Variants in CTDSPL2 observed in about 807,000 individuals in gnomAD.
CTDSPL2 encodes the protein CTD small phosphatase like 2.
CTDSPL2 carries 5 observed loss-of-function variants against 60.0 expected under a neutral mutation model. The ratio of observed to expected loss-of-function variants is 0.08; its 90% confidence interval spans 0.04 to 0.18. The LOEUF (loss-of-function observed/expected upper bound fraction) is 0.18, where lower values mean the gene tolerates loss of function less well. CTDSPL2 is among the 10% of genes least tolerant of loss of function. The probability of loss-of-function intolerance (pLI) is 1.00; values close to 1 mark genes in which losing one functional copy is unlikely to be tolerated. For synonymous variants in CTDSPL2, 186 were observed against 189.3 expected (o/e 0.98, Z 0.14); for missense variants, 370 against 548.8 (o/e 0.67, Z 3.26).
At chr15:44,460,097 A>G (rs2080534307) in intron 2 of CTDSPL2, among the ~76,000 whole-genome samples, 1 of 151,948 alleles carries the variant, frequency 6.6e-6, no homozygotes, top group East Asian at 1.9e-4. Context: ...AAGCAGTTGG[A>G]TGAATTTTAT....
chr15:44,435,242 G>A (rs2079951175), intron 1 of CTDSPL2, among the ~76,000 whole-genome samples: 2 of 141,672 alleles, frequency 1.4e-5, no homozygotes, highest in African/African-American at 2.7e-5. Context: ...GGGCGACAGA[G>A]TGAGACTCCG....
At chr15:44,496,937 C>T in intron 6 of CTDSPL2, 90 bp from the exon 7 acceptor site, 2 of 666,026 alleles carry the variant, frequency 3.0e-6, no homozygotes, top group South Asian at 2.2e-5. Flanking sequence ...GGGTTAACTG[C>T]TTTATAGATT....
At chr15:44,433,724 G>T (rs12914945) in intron 1 of CTDSPL2, among the ~76,000 whole-genome samples, 1 of 151,860 alleles carries the variant, frequency 6.6e-6, no homozygotes, top group South Asian at 2.1e-4. Context: ...AGGCTGGAGT[G>T]CAGTGGCATG....
intron 1 of CTDSPL2, among the ~76,000 whole-genome samples, chr15:44,445,238 A>G (rs1367781043): frequency 6.6e-6 from 1 of 151,444 alleles, no homozygotes; most frequent in Admixed American, 6.6e-5. Flanking sequence ...CCCTGTCTGC[A>G]GTGCAGTGAC....
In CTDSPL2 at chr15:44,514,939, C is replaced by T. The variant is rs1319247474; in HGVS notation, c.1112+95C>T. On this transcript the variant is annotated intron_variant, in intron 10 of 12. Coordinates refer to ENST00000260327, the MANE Select transcript of CTDSPL2 (RefSeq NM_016396.3). ...TTTAATGGCCATTTTCAGTTGGCTGCATATGTGTTGAATGGTGAATATAAA... is the reference window on the plus strand; with the variant it reads ...TTTAATGGCCATTTTCAGTTGGCTGTATATGTGTTGAATGGTGAATATAAA... 4 of 741,570 alleles carry T rather than the reference C, an allele frequency of 5.4e-6. No homozygotes were observed. In the East Asian group the frequency reaches 7.5e-5, roughly 14 times the overall value. The allele number at this position is 741,570 out of a possible 1,614,324, so 45.9% of individuals were successfully genotyped here. A position where few individuals can be genotyped will look rare whatever the true frequency, so the allele number is the denominator to read the frequency against.
At chr15:44,512,449 C>T (rs970900918) in intron 8 of CTDSPL2, among the ~76,000 whole-genome samples, 5 of 152,124 alleles carry the variant, frequency 3.3e-5, no homozygotes, top group African/African-American at 1.2e-4. Flanking sequence ...TATCATCTAC[C>T]TTGAGATGGA....
At chr15:44,472,103 A>G (rs2080822634) in intron 2 of CTDSPL2, among the ~76,000 whole-genome samples, 1 of 152,148 alleles carries the variant, frequency 6.6e-6, no homozygotes, top group South Asian at 2.1e-4. Context: ...TTATCAATTA[A>G]TGAACATTTG....
chr15:44,498,597 G>A, intron 7 of CTDSPL2, among the ~76,000 whole-genome samples: 1 of 151,066 alleles, frequency 6.6e-6, no homozygotes, highest in South Asian at 2.1e-4. Flanking sequence ...ATTTTAAAAG[G>A]AAGGAAAGAA....
intron 8 of CTDSPL2, among the ~76,000 whole-genome samples, chr15:44,501,247 C>T (rs1184352130): frequency 6.6e-6 from 1 of 151,896 alleles, no homozygotes; most frequent in Non-Finnish European, 1.5e-5. Context: ...GAAAGGAAAG[C>T]TATTAATTGA....
Position 44,521,401 on chromosome 15 carries a change from G to C in CTDSPL2, c.1330G>C (p.Glu444Gln). 1 of 1,533,666 alleles carries C rather than the reference G, an allele frequency of 6.5e-7. No homozygotes were observed. The change falls in exon 12 of 13, where the codon GAA becomes CAA. Residue 444 changes from glutamate to glutamine, a missense_variant. Glu to Gln is a conservative substitution (Grantham distance 29). Coordinates refer to ENST00000260327, the MANE Select transcript of CTDSPL2 (RefSeq NM_016396.3). ...GATTCCATTCCTGGAGAAGCTTGTAGAACTGGTAAGTGTAGCTTATCTTTT... is the reference window on the plus strand; with the variant it reads ...GATTCCATTCCTGGAGAAGCTTGTACAACTGGTAAGTGTAGCTTATCTTTT... ...KLIPFLEKLV[E>Q]LNEDVRPHIR...
intron 1 of CTDSPL2, among the ~76,000 whole-genome samples, chr15:44,430,725 A>G (rs979818603): frequency 2.0e-5 from 3 of 152,156 alleles, no homozygotes; most frequent in Non-Finnish European, 4.4e-5. Flanking sequence ...CTGAGAGTTT[A>G]TTTGTGTTGT....
At chr15:44,476,504 AAT>A (rs1210295664) in intron 2 of CTDSPL2, among the ~76,000 whole-genome samples, 1 of 152,112 alleles carries the variant, frequency 6.6e-6, no homozygotes, top group Non-Finnish European at 1.5e-5. Context: ...TTTTCACATA[AAT>A]ATATATATAC....
Position 44,496,395 on chromosome 15 carries a change from A to T in CTDSPL2, c.707A>T (p.Asp236Val). 2 of 1,613,102 alleles carry T rather than the reference A, an allele frequency of 1.2e-6. No homozygotes were observed. The highest frequency in any genetic ancestry group is 2.2e-5 in the East Asian group (1 of 44,882). The change falls in exon 6 of 13, where the codon GAT becomes GTT. Residue 236 changes from aspartate (D) to valine (V), a missense_variant. Physicochemically the swap from Asp to Val is radical, Grantham distance 152 (BLOSUM62 -3). Coordinates refer to ENST00000260327, the MANE Select transcript of CTDSPL2 (RefSeq NM_016396.3). ...IPPLTAPVTP[D>V]SGYSSAHAEA... Reference sequence around the variant, plus strand: ...TGTTAAATAGCACCAGTAACTCCAGATAGTGGTTATTCATCAGCCCACGCG... The same window carrying T: ...TGTTAAATAGCACCAGTAACTCCAGTTAGTGGTTATTCATCAGCCCACGCG...
At chr15:44,450,948 G>GA (rs1298676103) in intron 1 of CTDSPL2, among the ~76,000 whole-genome samples, 2 of 151,428 alleles carry the variant, frequency 1.3e-5, no homozygotes, top group Non-Finnish European at 2.9e-5. Context: ...TATAAAAGGG[G>GA]AAAAAAACAG....
At chr15:44,432,642 CAG>C (rs1286719207) in intron 1 of CTDSPL2, among the ~76,000 whole-genome samples, 1 of 145,042 alleles carries the variant, frequency 6.9e-6, no homozygotes, top group Non-Finnish European at 1.5e-5. Flanking sequence ...TTTTTTGAAA[CAG>C]AGTCTCGCTC....
Position 44,439,955 on chromosome 15 carries a change from T to C in CTDSPL2, c.-25+12183T>C, listed in dbSNP as rs534955294. The stretch of plus-strand genomic sequence containing the variant: ...CTTCTATTTTCTGGAAGAGTTTATG[T>C]AGATTTGGTATTGTTTCTTTTTAGA... On this transcript the variant is annotated intron_variant, in intron 1 of 12. Coordinates refer to ENST00000260327, the MANE Select transcript of CTDSPL2 (RefSeq NM_016396.3). Among the ~76,000 whole-genome samples the C allele has an allele frequency of 3.9e-5, 6 of 152,242 alleles. No individual in the cohort carries two copies. The South Asian group carries it at 1.2e-3, about 32-fold the overall frequency.
intron 2 of CTDSPL2, among the ~76,000 whole-genome samples, chr15:44,473,405 C>T (rs1301163908): frequency 6.6e-6 from 1 of 152,184 alleles, no homozygotes; most frequent in Non-Finnish European, 1.5e-5. Context: ...ACGCCATTCT[C>T]CTGCCTCAGC....
intron 4 of CTDSPL2, among the ~76,000 whole-genome samples, chr15:44,489,872 T>C (rs2081187221): frequency 6.6e-6 from 1 of 152,134 alleles, no homozygotes; most frequent in South Asian, 2.1e-4. Flanking sequence ...TTTTTGCACA[T>C]TAGTGGAAAA....
chr15:44,486,759 T>TTG, intron 4 of CTDSPL2, 59 bp downstream of exon 4: 1 of 368,270 alleles, frequency 2.7e-6, no homozygotes, highest in Non-Finnish European at 4.0e-6. Context: ...ATAGTTTGGG[T>TTG]TTTTTTTTTT....
Sources: gnomAD v4.1 joint callset for allele counts (sites outside exome capture counted in the v4.1 genomes callset) on GRCh38, gnomAD v4.1.1 for gene constraint, MANE v1.5 for transcripts, NCBI Gene and HGNC (gene_info 2026-07-23, HGNC 2026-07-21) for gene names.